NOL4: variants seen among roughly 807,000 people sequenced by gnomAD.
NOL4 encodes nucleolar protein 4, also known as cancer/testis antigen 125.
Under a neutral mutation model 75.9 loss-of-function variants are expected in NOL4, and 17 were observed. The ratio of observed to expected loss-of-function variants is 0.22; its 90% confidence interval spans 0.15 to 0.34. The LOEUF is 0.34. NOL4 is among the 10% of genes least tolerant of loss of function. The pLI is 1.00. For synonymous variants in NOL4, 292 were observed against 289.9 expected (o/e 1.01, Z -0.07); for missense variants, 614 against 793.5 (o/e 0.77, Z 2.72).
rs551508053 is a variant in NOL4, at chr18:34,049,858, G to A, written c.773-30257C>T. On this transcript the variant is annotated intron_variant, in intron 5 of 10. Coordinates refer to ENST00000261592, the MANE Select transcript of NOL4 (RefSeq NM_003787.5). ...CAGAGGTGTGAGAATCTATATGTTAGTCAGATTCAATGCCACATTGGCCTT... is the reference window on the plus strand; with the variant it reads ...CAGAGGTGTGAGAATCTATATGTTAATCAGATTCAATGCCACATTGGCCTT... Among the ~76,000 whole-genome samples, 39 of 152,206 alleles carry A rather than the reference G, an allele frequency of 2.6e-4. No homozygotes were observed. The East Asian group carries it at 4.5e-3, about 17-fold the overall frequency.
At position 33,920,445 on chromosome 18, in the gene NOL4, G is replaced by T. The variant is rs553547731; in HGVS notation, c.1542+22620C>A. 3.3e-5 allele frequency among the ~76,000 whole-genome samples: 5 copies of T among 152,204 alleles called. No homozygotes were observed. The South Asian group carries it at 1.0e-3, about 32-fold the overall frequency. Reference sequence around the variant, plus strand: ...ATTTCTGCTGGTAAATTCTTATTAGGTATAGCTAATGAGCATAAAGCCATA... The same window carrying T: ...ATTTCTGCTGGTAAATTCTTATTAGTTATAGCTAATGAGCATAAAGCCATA... On this transcript the variant is annotated intron_variant, in intron 9 of 10. Transcript: ENST00000261592.
rs979820307 is a variant in NOL4 at position 33,943,288 on chromosome 18, A to G, written c.1429-110T>C. The stretch of plus-strand genomic sequence containing the variant: ...ATCATCAACATGTGCAGGAATATCC[A>G]TTTATTTCAACTGAACTTGTTTCAA... On this transcript the variant is annotated intron_variant, in intron 8 of 10. Coordinates refer to ENST00000261592, the MANE Select transcript of NOL4 (RefSeq NM_003787.5). 1.0e-5 allele frequency: 7 copies of G among 667,468 alleles called. No homozygotes were observed. In the African/African-American group the frequency reaches 1.3e-4, roughly 12 times the overall value. The allele number at this position is 667,468 out of a possible 1,614,324, so 41.3% of individuals were successfully genotyped here.
chr18:34,129,724 A>G (rs1220292991), intron 2 of NOL4, 147 bp downstream of exon 2: 3 of 657,306 alleles, frequency 4.6e-6, no homozygotes, highest in Non-Finnish European at 6.9e-6. Context: ...AACCAAAATA[A>G]TTATAGTTTA....
At chr18:33,951,744 GT>G in intron 8 of NOL4, among the ~76,000 whole-genome samples, 1 of 152,008 alleles carries the variant, frequency 6.6e-6, no homozygotes, top group East Asian at 1.9e-4. Context: ...ATTTAGTAAG[GT>G]TTTAATTTCA....
chr18:34,112,324 G>T (rs1335337140), intron 2 of NOL4, among the ~76,000 whole-genome samples: 1 of 151,688 alleles, frequency 6.6e-6, no homozygotes, highest in Non-Finnish European at 1.5e-5. Flanking sequence ...AGCCAAGATT[G>T]TGCCACTGCA....
rs1321234783 is a variant in NOL4, at chr18:33,851,131, CAAACA to C, written c.*1706_*1710del. ...TAACACAGAAATCTGTTTATTAAAC[CAAACA>C]AAACAGAGAAAATTATACCAGCCCT... On this transcript the variant is annotated 3_prime_UTR_variant, in exon 11 of 11. Coordinates refer to ENST00000261592, the MANE Select transcript of NOL4 (RefSeq NM_003787.5). 1.3e-5 allele frequency: 2 copies of C among 152,216 alleles called. No individual in the cohort carries two copies. The highest frequency in any genetic ancestry group is 1.3e-4 in the Admixed American group (2 of 15,216). The allele number at this position is 152,216 out of a possible 1,614,324, so 9.4% of individuals were successfully genotyped here.
rs537804173 is a variant in NOL4 at position 33,894,421 on chromosome 18, G to A, written c.1543-10997C>T. On this transcript the variant is annotated intron_variant, in intron 9 of 10. Transcript: ENST00000261592. The stretch of plus-strand genomic sequence containing the variant: ...TTAGGAGCATTCTGTATAATGTGCT[G>A]TCCTTGCTGGCCATACAAATGATTA... Among the ~76,000 whole-genome samples, 5 of 152,166 alleles carry A rather than the reference G, an allele frequency of 3.3e-5. No individual in the cohort carries two copies. The South Asian group carries it at 1.0e-3, about 32-fold the overall frequency.
intron 9 of NOL4, among the ~76,000 whole-genome samples, chr18:33,922,412 C>G (rs935654848): frequency 2.6e-5 from 4 of 152,142 alleles, no homozygotes; most frequent in Admixed American, 1.3e-4. Context: ...TCACTGATAA[C>G]TTCATCAATG....
chr18:34,044,805 C>G (rs1028083098), intron 5 of NOL4, among the ~76,000 whole-genome samples: 1 of 152,062 alleles, frequency 6.6e-6, no homozygotes, highest in Non-Finnish European at 1.5e-5. Context: ...TCAAAAACTC[C>G]CTCTTTCTAT....
chr18:33,883,314 C>T lies in NOL4; in HGVS notation c.1653G>A (p.Gly551=), dbSNP rs1253342143. 6.2e-7 allele frequency: 1 copy of T among 1,612,874 alleles called. No individual in the cohort carries two copies. Among genetic ancestry groups the T allele is most frequent in the South Asian group, 1.1e-5 (1 of 91,016 alleles). Residue 551 remains glycine (G), a synonymous_variant, in exon 10 of 11, where the codon GGG becomes GGA. Transcript: ENST00000261592. ...CTCTGTAACTATGGTAACTATAGGTCCCATTTCCATTGATGTACAGCACGT... is the reference window on the plus strand; with the variant it reads ...CTCTGTAACTATGGTAACTATAGGTTCCATTTCCATTGATGTACAGCACGT... ...SQDVLYINGN[G]TYSYHSYRGL... is the part of the protein sequence containing the mutation.
At chr18:33,889,310 A>T (rs112787752) in intron 9 of NOL4, among the ~76,000 whole-genome samples, 1 of 152,090 alleles carries the variant, frequency 6.6e-6, no homozygotes, top group Admixed American at 6.6e-5. Flanking sequence ...GCCTCCCAAG[A>T]CTAAACCAGG....
At chr18:33,877,404 C>T (rs1225719464) in intron 10 of NOL4, among the ~76,000 whole-genome samples, 2 of 148,948 alleles carry the variant, frequency 1.3e-5, no homozygotes, top group African/African-American at 5.0e-5. Context: ...TGCAGTTGCA[C>T]CCCAGCCTAG....
chr18:34,072,206 C>A (rs2077552204), intron 5 of NOL4, among the ~76,000 whole-genome samples: 1 of 152,110 alleles, frequency 6.6e-6, no homozygotes, highest in Non-Finnish European at 1.5e-5. Context: ...GCCTAGGTGA[C>A]AGAGCGAGAC....
chr18:34,042,292 A>G (rs1396399163), intron 5 of NOL4, among the ~76,000 whole-genome samples: 1 of 152,014 alleles, frequency 6.6e-6, no homozygotes, highest in Non-Finnish European at 1.5e-5. Flanking sequence ...TTCCCAGATG[A>G]AAAACTCTGA....
chr18:34,100,220 T>A (rs1727875128), intron 4 of NOL4, among the ~76,000 whole-genome samples: 1 of 152,160 alleles, frequency 6.6e-6, no homozygotes, highest in Admixed American at 6.5e-5. Context: ...TATTGCTTCA[T>A]CAATTCTCCT....
At chr18:34,027,401 T>C (rs2075400718) in intron 5 of NOL4, among the ~76,000 whole-genome samples, 1 of 152,186 alleles carries the variant, frequency 6.6e-6, no homozygotes, top group South Asian at 2.1e-4. Flanking sequence ...GGTACTGAAG[T>C]AGGAGAAACA....
chr18:33,952,339 TA>T (rs763572859), intron 8 of NOL4, among the ~76,000 whole-genome samples: 3 of 152,144 alleles, frequency 2.0e-5, no homozygotes, highest in Non-Finnish European at 4.4e-5. Flanking sequence ...TCCTGTGTCA[TA>T]AAAAATTAGT....
intron 2 of NOL4, among the ~76,000 whole-genome samples, chr18:34,108,467 A>C (rs2079421764): frequency 2.0e-5 from 3 of 152,214 alleles, no homozygotes; most frequent in Admixed American, 2.0e-4. Context: ...ATTAGCTATA[A>C]GTGGACACAT....
chr18:34,133,398 C>G (rs2080750495), intron 1 of NOL4, among the ~76,000 whole-genome samples: 1 of 151,176 alleles, frequency 6.6e-6, no homozygotes, highest in Non-Finnish European at 1.5e-5. Flanking sequence ...AGGTAAATGA[C>G]ATCAGACAGT....
Sources: allele counts gnomAD v4.1 joint callset (sites outside exome capture counted in the v4.1 genomes callset), GRCh38; gene constraint gnomAD v4.1.1; transcripts MANE v1.5; gene names NCBI Gene and HGNC (gene_info 2026-07-23, HGNC 2026-07-21).